The following PRKX variants were observed in gnomAD, a reference collection of about 807,000 sequenced individuals.
The protein encoded by PRKX is protein kinase cAMP-dependent X-linked catalytic subunit, also known as cAMP-dependent protein kinase catalytic subunit PRKX.
Under a neutral mutation model 22.0 loss-of-function variants are expected in PRKX, and 12 were observed. That is an observed-to-expected ratio of 0.54 (90% confidence interval 0.35 to 0.88). The LOEUF (loss-of-function observed/expected upper bound fraction) is 0.88. PRKX is among the 40% of genes least tolerant of loss of function. The pLI is 0.01. For missense variants in PRKX, 217 were observed against 308.0 expected, an observed-to-expected ratio of 0.70 and a Z score of 2.21; for synonymous variants, 134 against 137.7, an observed-to-expected ratio of 0.97 and a Z score of 0.19.
chrX:3,637,556 A>G (rs12852243), intron 4 of PRKX, among the ~76,000 whole-genome samples: 2,019 of 111,160 alleles, frequency 0.018, 25 homozygotes, highest in Non-Finnish European at 0.028. Context: ...TAACTCTCAA[A>G]ACACCCACCC....
At chrX:3,685,866 T>C (rs1187058791) in intron 1 of PRKX, among the ~76,000 whole-genome samples, 1 of 111,755 alleles carries the variant, frequency 8.9e-6, no homozygotes, top group African/African-American at 3.3e-5. Flanking sequence ...GGCAACATGG[T>C]GAAACCCTGT....
intron 1 of PRKX, among the ~76,000 whole-genome samples, chrX:3,693,442 T>C (rs1358895809): frequency 9.0e-6 from 1 of 111,159 alleles, no homozygotes; most frequent in East Asian, 2.9e-4. Flanking sequence ...ATCTACGCAG[T>C]GAGTGCTGCC....
chrX:3,673,171 G>C (rs1385015516), intron 2 of PRKX, among the ~76,000 whole-genome samples: 1 of 111,253 alleles, frequency 9.0e-6, no homozygotes, highest in East Asian at 2.8e-4. Flanking sequence ...CCTGTGTCCC[G>C]GGGACAGCAG....
At chrX:3,695,318 G>A (rs1387102947) in intron 1 of PRKX, among the ~76,000 whole-genome samples, 4 of 112,017 alleles carry the variant, frequency 3.6e-5, no homozygotes, top group African/African-American at 9.7e-5. Context: ...TGTGGATGGA[G>A]ACAATATCCT....
At chrX:3,689,343 T>C (rs1289349798) in intron 1 of PRKX, among the ~76,000 whole-genome samples, 1 of 112,445 alleles carries the variant, frequency 8.9e-6, no homozygotes, top group Non-Finnish European at 1.9e-5. Context: ...ATAATGACCT[T>C]CTATTTTATA....
intron 7 of PRKX, among the ~76,000 whole-genome samples, chrX:3,615,431 ATC>A (rs1926399681): frequency 8.9e-6 from 1 of 111,953 alleles, no homozygotes; most frequent in South Asian, 3.7e-4. Flanking sequence ...ACGCTTGCTT[ATC>A]TCTGTAATCC....
intron 7 of PRKX, among the ~76,000 whole-genome samples, chrX:3,613,921 C>T (rs1420936354): frequency 1.9e-5 from 2 of 105,203 alleles, no homozygotes; most frequent in African/African-American, 6.9e-5. Flanking sequence ...AAACTCTGGT[C>T]TGAGCTGAGG....
chrX:3,621,584 A>T (rs755866835), intron 5 of PRKX, among the ~76,000 whole-genome samples: 14 of 112,092 alleles, frequency 1.2e-4, no homozygotes, highest in Non-Finnish European at 2.4e-4. Flanking sequence ...CTGAGTAGAA[A>T]AGGGTGAAAT....
Position 3,694,768 on chromosome X carries a change from A to G in PRKX, c.166+18320T>C, listed in dbSNP as rs144780452. Among the ~76,000 whole-genome samples the G allele has an allele frequency of 6.2e-3, 688 of 110,895 alleles. 7 individuals are homozygous for G. The highest frequency in any genetic ancestry group is 0.022 in the African/African-American group (656 of 30,481). ...GGGCCCTAAATCCAATGACCAGTGTACTTCTAAGAGACAGAAGAGGAGACA... is the reference window on the plus strand; with the variant it reads ...GGGCCCTAAATCCAATGACCAGTGTGCTTCTAAGAGACAGAAGAGGAGACA... On this transcript the variant is annotated intron_variant, in intron 1 of 8. Coordinates refer to ENST00000262848, the MANE Select transcript of PRKX (RefSeq NM_005044.5).
intron 5 of PRKX, among the ~76,000 whole-genome samples, chrX:3,625,038 G>C (rs1926633438): frequency 9.0e-6 from 1 of 111,381 alleles, no homozygotes; most frequent in Non-Finnish European, 1.9e-5. Flanking sequence ...TTTCCTTCCA[G>C]AGCAGTCGGC....
rs1329229322 is a variant in PRKX at position 3,604,556 on chromosome X, C to T, written c.*4413G>A. The T allele has an allele frequency of 8.9e-6, 1 of 112,385 alleles. No individual in the cohort carries two copies. The highest frequency in any genetic ancestry group is 3.2e-5 in the African/African-American group (1 of 30,851). 9.3% of individuals were successfully genotyped at this position (112,385 alleles called of 1,213,427 possible). A position where few individuals can be genotyped will look rare whatever the true frequency, so the allele number is the denominator to read the frequency against. On this transcript the variant is annotated 3_prime_UTR_variant, in exon 9 of 9. Transcript: ENST00000262848. ...CCCCCCATGAGAAGGGGTCACCCCG[C>T]GGGGTTCCCAGTTCTGGCTCGCCAA...
In PRKX at chrX:3,612,789, A is replaced by AAT. The variant is rs772482696; in HGVS notation, c.952-466_952-465dup. Reference sequence around the variant, plus strand: ...ATGACTGAGTGAGATCCTGTCTCAAAATATATATATATAGTATTAAGTAAG... The same window carrying AAT: ...ATGACTGAGTGAGATCCTGTCTCAAAATATATATATATATAGTATTAAGTAAG... On this transcript the variant is annotated intron_variant, in intron 7 of 8. Coordinates refer to ENST00000262848, the MANE Select transcript of PRKX (RefSeq NM_005044.5). Among the ~76,000 whole-genome samples the AAT allele has an allele frequency of 8.2e-5, 9 of 109,977 alleles. No individual in the cohort carries two copies. The East Asian group carries it at 8.6e-4, about 10-fold the overall frequency.
chrX:3,641,601 TA>T (rs1816687295), intron 4 of PRKX: 1 of 182,824 alleles, frequency 5.5e-6, no homozygotes, highest in Admixed American at 7.9e-5. Flanking sequence ...TATTTCAATA[TA>T]AAAATCTCAA....
At chrX:3,671,613 T>C (rs181517488) in intron 2 of PRKX, among the ~76,000 whole-genome samples, 1 of 111,834 alleles carries the variant, frequency 8.9e-6, no homozygotes, top group African/African-American at 3.2e-5. Context: ...CGGTGAGCTG[T>C]ACGGGCAAAG....
intron 4 of PRKX, among the ~76,000 whole-genome samples, chrX:3,637,243 G>T (rs1238757659): frequency 9.0e-6 from 1 of 111,192 alleles, no homozygotes; most frequent in Non-Finnish European, 1.9e-5. Context: ...ACAAGGAGGG[G>T]CCAGGCTGTT....
chrX:3,641,675 A>G (rs745971066), intron 4 of PRKX, 177 bp downstream of exon 4: 81 of 150,451 alleles, frequency 5.4e-4, no homozygotes, highest in African/African-American at 2.7e-3. Context: ...ACACAAGCTC[A>G]ATTGCTAATT....
intron 1 of PRKX, among the ~76,000 whole-genome samples, chrX:3,692,067 A>G (rs1646953270): frequency 1.0e-5 from 1 of 98,091 alleles, no homozygotes; most frequent in Non-Finnish European, 2.1e-5. Context: ...AGGTAGGTAG[A>G]TAACAGATGG....
In PRKX at chrX:3,634,078, C is replaced by T. The variant is rs369942957; in HGVS notation, c.720-7564G>A. Among the ~76,000 whole-genome samples, 38 of 109,410 alleles carry T rather than the reference C, an allele frequency of 3.5e-4. No homozygotes were observed. In the East Asian group the frequency reaches 9.0e-3, roughly 26 times the overall value. ...CAGGCTGGCCAACATGGCGAAACCCCATCTCTACTAAAAATACAAAAATTA... is the reference window on the plus strand; with the variant it reads ...CAGGCTGGCCAACATGGCGAAACCCTATCTCTACTAAAAATACAAAAATTA... On this transcript the variant is annotated intron_variant, in intron 4 of 8. Transcript: ENST00000262848.
chrX:3,669,095 TCTA>T (rs1211140591), intron 2 of PRKX, among the ~76,000 whole-genome samples: 1 of 112,023 alleles, frequency 8.9e-6, no homozygotes, highest in Non-Finnish European at 1.9e-5. Context: ...GTTGAGAAAC[TCTA>T]CTAATACGTT....
Sources: gnomAD v4.1 joint callset for allele counts (sites outside exome capture counted in the v4.1 genomes callset) on GRCh38, gnomAD v4.1.1 for gene constraint, MANE v1.5 for transcripts, NCBI Gene and HGNC (gene_info 2026-07-23, HGNC 2026-07-21) for gene names.